PPM1D: variants seen among roughly 807,000 people sequenced by gnomAD.
PPM1D encodes the protein protein phosphatase, Mg2+/Mn2+ dependent 1D, also known as protein phosphatase 1D.
A neutral mutation model predicts 58.3 loss-of-function variants in PPM1D; 52 were observed. The observed-to-expected ratio is 0.89, with a 90% CI of 0.71 to 1.12. The LOEUF (loss-of-function observed/expected upper bound fraction) is 1.12, where lower values mean the gene tolerates loss of function less well. Among genes scored for constraint, PPM1D ranks in the 50% most tolerant of loss-of-function variants. The pLI, the probability that PPM1D is intolerant of heterozygous loss-of-function variation, is 0.00. For synonymous variants in PPM1D, 278 were observed against 285.1 expected (o/e 0.98, Z 0.25); for missense variants, 564 against 777.2 (o/e 0.73, Z 3.26).
In PPM1D at chr17:60,665,441, C is replaced by T. The variant is rs2031600851; in HGVS notation, c.*1889C>T. 6.6e-6 allele frequency: 1 copy of T among 152,030 alleles called. No individual in the cohort carries two copies. Among genetic ancestry groups the T allele is most frequent in the African/African-American group, 2.4e-5 (1 of 41,374 alleles). The allele number at this position is 152,030 out of a possible 1,614,324, so 9.4% of individuals were successfully genotyped here. A position where few individuals can be genotyped will look rare whatever the true frequency, so the allele number is the denominator to read the frequency against. On this transcript the variant is annotated 3_prime_UTR_variant, in exon 6 of 6. Coordinates refer to ENST00000305921, the MANE Select transcript of PPM1D (RefSeq NM_003620.4). ...GCCAAGATGGTCTTGATCTCTTGAC[C>T]TCATGATCCACCAGCCTAGGCCTCC...
At chr17:60,619,888 G>T (rs532776536) in intron 1 of PPM1D, among the ~76,000 whole-genome samples, 1 of 152,254 alleles carries the variant, frequency 6.6e-6, no homozygotes, top group South Asian at 2.1e-4. Context: ...CATGATGCTT[G>T]ATGTTGAGCT....
At chr17:60,636,967 A>AT (rs5821296) in intron 3 of PPM1D, among the ~76,000 whole-genome samples, 91,937 of 135,332 alleles carry the variant, frequency 0.68, 34,474 homozygotes, top group East Asian at 0.97. Context: ...CCTACTCATG[A>AT]TTTTTTTTTT....
intron 1 of PPM1D, among the ~76,000 whole-genome samples, chr17:60,617,128 A>ATT (rs780911862): frequency 6.4e-5 from 9 of 140,214 alleles, no homozygotes; most frequent in East Asian, 2.1e-4. Context: ...AAAAAAAAAA[A>ATT]TTTTTTTTTT....
intron 4 of PPM1D, among the ~76,000 whole-genome samples, chr17:60,648,386 GTT>G (rs201335786): frequency 0.046 from 6,276 of 135,688 alleles, 341 homozygotes; most frequent in African/African-American, 0.16. Flanking sequence ...AAAATTTATC[GTT>G]TTTTTTTTTT....
At chr17:60,658,110 C>T (rs75785101) in intron 5 of PPM1D, among the ~76,000 whole-genome samples, 1,639 of 152,238 alleles carry the variant, frequency 0.011, 10 homozygotes, top group Middle Eastern at 0.017. Flanking sequence ...TTTAAAGCCT[C>T]TTTATTCTCT....
Position 60,663,363 on chromosome 17 carries a change from TG to T in PPM1D, c.1631del (p.Gly544AlafsTer3). ...AAAGGACATTAGAAGAGTCCAATTC[TG>T]GCCCCCTGATGAAGAAGCATAGACG... ...FKRTLEESNS[G>X]PLMKKHRRNG... is the part of the protein sequence containing the mutation. On this transcript the variant is annotated frameshift_variant, in exon 6 of 6. Coordinates refer to ENST00000305921, the MANE Select transcript of PPM1D (RefSeq NM_003620.4). LOFTEE classifies it high-confidence loss of function. 2 of 1,614,184 alleles carry T rather than the reference TG, an allele frequency of 1.2e-6. No homozygotes were observed. The highest frequency in any genetic ancestry group is 1.7e-6 in the Non-Finnish European group (2 of 1,180,028).
intron 4 of PPM1D, among the ~76,000 whole-genome samples, chr17:60,653,407 G>A (rs1164906884): frequency 1.3e-5 from 2 of 152,110 alleles, no homozygotes; most frequent in Non-Finnish European, 2.9e-5. Context: ...GTCTGTTTTT[G>A]TAGCAGTACC....
chr17:60,637,506 A>T lies in PPM1D; in HGVS notation c.826+3529A>T, dbSNP rs115327077. Among the ~76,000 whole-genome samples, 517 of 152,334 alleles carry T rather than the reference A, an allele frequency of 3.4e-3. 2 individuals carry two copies. The highest frequency in any genetic ancestry group is 0.012 in the African/African-American group (499 of 41,574). On this transcript the variant is annotated intron_variant, in intron 3 of 5. Coordinates refer to ENST00000305921, the MANE Select transcript of PPM1D (RefSeq NM_003620.4). ...AGTGTAAAGGAGAGGTCGGAAGTTC[A>T]GTTTTGGACACATTACCCTTTCGGC... is the stretch of plus-strand genomic sequence containing the variant.
chr17:60,639,993 G>T (rs2031102751), intron 3 of PPM1D, among the ~76,000 whole-genome samples: 1 of 152,202 alleles, frequency 6.6e-6, no homozygotes, highest in East Asian at 1.9e-4. Flanking sequence ...TGGATAAAAT[G>T]AGAAAATACT....
intron 2 of PPM1D, among the ~76,000 whole-genome samples, chr17:60,630,637 T>G (rs2030902428): frequency 6.6e-6 from 1 of 152,230 alleles, no homozygotes; most frequent in African/African-American, 2.4e-5. Flanking sequence ...TTTATAACAT[T>G]GCTTTGGTTT....
chr17:60,640,630 T>TC (rs2143688392), intron 3 of PPM1D, among the ~76,000 whole-genome samples: 1 of 152,184 alleles, frequency 6.6e-6, no homozygotes, highest in East Asian at 1.9e-4. Context: ...TACGATTGAT[T>TC]CCGTCATCCA....
intron 3 of PPM1D, among the ~76,000 whole-genome samples, chr17:60,637,480 C>A (rs1289093297): frequency 2.0e-5 from 3 of 152,152 alleles, no homozygotes; most frequent in Non-Finnish European, 4.4e-5. Context: ...ACTGGAACAT[C>A]AGTGTAAAGG....
chr17:60,611,275 C>T (rs1051366698), intron 1 of PPM1D, among the ~76,000 whole-genome samples: 8 of 152,192 alleles, frequency 5.3e-5, no homozygotes, highest in Non-Finnish European at 1.0e-4. Flanking sequence ...CACGCCTTGG[C>T]CTCCTAAAGT....
In PPM1D at chr17:60,663,430, C is replaced by G. The variant is rs1275528692; in HGVS notation, c.1696C>G (p.Leu566Val). The G allele has an allele frequency of 1.2e-6, 2 of 1,614,064 alleles. No individual in the cohort carries two copies. Among genetic ancestry groups the G allele is most frequent in the African/African-American group, 2.7e-5 (2 of 74,916 alleles). Reference protein sequence around the residue: ...SRSSGAQPASLPTTSQRKNSV... With the variant: ...SRSSGAQPASVPTTSQRKNSV... ...AAGTAGTGGTGCTCAGCCTGCAAGT[C>G]TCCCCACAACCTCACAGCGAAAGAA... The change falls in exon 6 of 6, where the codon CTC (leucine) becomes GTC (valine). Residue 566 changes from leucine (L) to valine (V), a missense_variant. By Grantham distance (32) the Leu-to-Val change is conservative. Around this residue, in one of 7 missense-constraint regions of PPM1D, gnomAD observed 261 missense variants for 270.1 expected, o/e 0.97. Transcript: ENST00000305921.
chr17:60,639,102 CAAAA>C (rs565879823), intron 3 of PPM1D, among the ~76,000 whole-genome samples: 110 of 151,768 alleles, frequency 7.2e-4, no homozygotes, highest in African/African-American at 2.6e-3. Context: ...CAGATGATAA[CAAAA>C]AACTGAAAAA....
chr17:60,648,867 G>A (rs781504136), intron 4 of PPM1D, among the ~76,000 whole-genome samples: 29 of 150,232 alleles, frequency 1.9e-4, no homozygotes, highest in Non-Finnish European at 3.7e-4. Context: ...GGATTCAAGC[G>A]ATTCTCCCAC....
chr17:60,635,354 T>A (rs1010639467), intron 3 of PPM1D, among the ~76,000 whole-genome samples: 1 of 152,222 alleles, frequency 6.6e-6, no homozygotes, highest in East Asian at 1.9e-4. Flanking sequence ...TAGCTGGGAT[T>A]ACAGGCATGC....
intron 1 of PPM1D, among the ~76,000 whole-genome samples, chr17:60,601,494 G>T (rs931187589): frequency 2.6e-5 from 4 of 152,150 alleles, no homozygotes; most frequent in Non-Finnish European, 5.9e-5. Flanking sequence ...TCATAAACCT[G>T]TACTGCTTAT....
chr17:60,622,176 C>T (rs1296120220), intron 1 of PPM1D, among the ~76,000 whole-genome samples: 2 of 148,310 alleles, frequency 1.3e-5, no homozygotes, highest in Admixed American at 6.7e-5. Flanking sequence ...GACGACAGAG[C>T]GAGACTCTGT....
Sources: allele counts gnomAD v4.1 joint callset (sites outside exome capture counted in the v4.1 genomes callset), GRCh38; gene constraint gnomAD v4.1.1; regional missense constraint gnomAD v4.1.1; transcripts MANE v1.5; gene names NCBI Gene and HGNC (gene_info 2026-07-23, HGNC 2026-07-21).